Variants in UEVLD observed in about 807,000 individuals in gnomAD.
UEVLD encodes the protein ubiquitin-conjugating enzyme E2 variant 3.
Under a neutral mutation model 58.6 loss-of-function variants are expected in UEVLD, and 47 were observed. That is an observed-to-expected ratio of 0.80 (90% CI 0.63 to 1.02). The LOEUF (loss-of-function observed/expected upper bound fraction) is 1.02, where lower values mean the gene tolerates loss of function less well. UEVLD is among the 50% of genes least tolerant of loss of function. UEVLD has a pLI of 0.00. For synonymous variants in UEVLD, 197 were observed against 195.3 expected, an observed-to-expected ratio of 1.01 and a Z score of -0.07; for missense variants, 510 against 550.6, an observed-to-expected ratio of 0.93 and a Z score of 0.74.
At chr11:18,582,083 G>T (rs1047120903) in intron 1 of UEVLD, among the ~76,000 whole-genome samples, 2 of 151,990 alleles carry the variant, frequency 1.3e-5, no homozygotes, top group African/African-American at 4.8e-5. Context: ...TGTACAAAAG[G>T]CTGCATTGTT....
intron 9 of UEVLD, among the ~76,000 whole-genome samples, chr11:18,537,627 G>A (rs1047605982): frequency 4.0e-5 from 6 of 150,352 alleles, no homozygotes; most frequent in Non-Finnish European, 7.4e-5. Flanking sequence ...CACTGCGCCT[G>A]GCCAGACTAG....
chr11:18,552,892 AC>A lies in UEVLD; in HGVS notation c.715+5335del, dbSNP rs111347752. On this transcript the variant is annotated intron_variant, in intron 7 of 11. Transcript: ENST00000396197. ...AAAATTAGGCTGGGCGTGGTGGCTC[AC>A]CCCTGTAATCCCAGCACTTTGGGAG... 1.8e-4 allele frequency among the ~76,000 whole-genome samples: 28 copies of A among 151,926 alleles called. 1 individual carries two copies. Among genetic ancestry groups the A allele is most frequent in the African/African-American group, 6.3e-4 (26 of 41,430 alleles).
At chr11:18,557,967 T>C (rs1408549023) in intron 7 of UEVLD, among the ~76,000 whole-genome samples, 1 of 152,134 alleles carries the variant, frequency 6.6e-6, no homozygotes, top group East Asian at 1.9e-4. Context: ...GAGGTATAAG[T>C]CAAAAACAAA....
chr11:18,538,721 G>A (rs536435284), intron 9 of UEVLD, among the ~76,000 whole-genome samples: 1 of 151,906 alleles, frequency 6.6e-6, no homozygotes, highest in African/African-American at 2.4e-5. Flanking sequence ...AAACATACTT[G>A]CCATAGTTAA....
At chr11:18,535,108 A>G (rs1363442313) in intron 10 of UEVLD, among the ~76,000 whole-genome samples, 1 of 152,236 alleles carries the variant, frequency 6.6e-6, no homozygotes, top group Admixed American at 6.5e-5. Flanking sequence ...GATAGTATGG[A>G]TAGCATAAAT....
At chr11:18,567,824 A>G (rs1852372762) in intron 4 of UEVLD, among the ~76,000 whole-genome samples, 1 of 152,182 alleles carries the variant, frequency 6.6e-6, no homozygotes. Flanking sequence ...TAAATAGGGC[A>G]ATTTAAATAA....
Position 18,531,514 on chromosome 11 carries a change from T to G in UEVLD, c.*806A>C, listed in dbSNP as rs886293381. Reference sequence around the variant, plus strand: ...ACCTCTCCCTATTATGACCAATGTTTTTAATGAAAATCTCATATTTTGGCT... The same window carrying G: ...ACCTCTCCCTATTATGACCAATGTTGTTAATGAAAATCTCATATTTTGGCT... On this transcript the variant is annotated 3_prime_UTR_variant, in exon 12 of 12. Transcript: ENST00000396197. 1 of 152,212 alleles carries G rather than the reference T, an allele frequency of 6.6e-6. No homozygotes were observed. Among genetic ancestry groups the G allele is most frequent in the African/African-American group, 2.4e-5 (1 of 41,452 alleles). 9.4% of individuals were successfully genotyped at this position (152,212 alleles called of 1,614,324 possible). A position where few individuals can be genotyped will look rare whatever the true frequency, so the allele number is the denominator to read the frequency against.
intron 7 of UEVLD, among the ~76,000 whole-genome samples, chr11:18,556,317 A>T (rs1031967918): frequency 4.0e-4 from 61 of 152,358 alleles, no homozygotes; most frequent in African/African-American, 1.4e-3. Context: ...GAACTTCTAC[A>T]TGAGACCTAC....
At chr11:18,533,957 G>A (rs1021861501) in intron 11 of UEVLD, among the ~76,000 whole-genome samples, 7 of 152,148 alleles carry the variant, frequency 4.6e-5, no homozygotes, top group Non-Finnish European at 1.0e-4. Flanking sequence ...CAGTCAAAAT[G>A]TTATCTTTGG....
intron 4 of UEVLD, among the ~76,000 whole-genome samples, chr11:18,567,558 G>C (rs1172398537): frequency 6.6e-6 from 1 of 152,202 alleles, no homozygotes; most frequent in East Asian, 1.9e-4. Context: ...GACGGTTATT[G>C]TGGCAAATTG....
chr11:18,554,688 G>A (rs569065775), intron 7 of UEVLD, among the ~76,000 whole-genome samples: 8 of 152,234 alleles, frequency 5.3e-5, no homozygotes, highest in African/African-American at 1.4e-4. Flanking sequence ...ATGGGACACC[G>A]TGCCCAACAT....
At chr11:18,554,996 T>C (rs1488833514) in intron 7 of UEVLD, among the ~76,000 whole-genome samples, 1 of 152,164 alleles carries the variant, frequency 6.6e-6, no homozygotes, top group Non-Finnish European at 1.5e-5. Flanking sequence ...CATTTAAAAT[T>C]ACTTCATCTA....
chr11:18,533,843 G>C (rs1441309171), intron 11 of UEVLD, among the ~76,000 whole-genome samples: 1 of 152,064 alleles, frequency 6.6e-6, no homozygotes, highest in East Asian at 1.9e-4. Context: ...TTAGTAGAGA[G>C]GGGTTTCACC....
At chr11:18,579,372 G>C (rs147051183) in intron 1 of UEVLD, 1 of 850,166 alleles carries the variant, frequency 1.2e-6, no homozygotes, top group Non-Finnish European at 1.4e-6. Flanking sequence ...AGTGAAGCCC[G>C]AGCTCAAATC....
chr11:18,543,383 A>G (rs1272312627), intron 9 of UEVLD, among the ~76,000 whole-genome samples: 1 of 152,210 alleles, frequency 6.6e-6, no homozygotes, highest in Non-Finnish European at 1.5e-5. Context: ...CTTCTGCAAC[A>G]ACTAGTCCAC....
intron 6 of UEVLD, 123 bp from the exon 7 acceptor site, chr11:18,558,453 A>G: frequency 2.0e-6 from 1 of 496,722 alleles, no homozygotes; most frequent in Non-Finnish European, 3.4e-6. Flanking sequence ...TGTTAAGAAG[A>G]GTAAGTAACA....
intron 5 of UEVLD, 107 bp downstream of exon 5, chr11:18,566,240 C>T (rs1231509514): frequency 7.4e-6 from 11 of 1,479,176 alleles, no homozygotes; most frequent in African/African-American, 5.7e-5. Flanking sequence ...GATGTACATA[C>T]GCACACAAAT....
intron 8 of UEVLD, among the ~76,000 whole-genome samples, chr11:18,546,499 GTTTT>G (rs1351396400): frequency 1.5e-5 from 2 of 135,418 alleles, no homozygotes; most frequent in Admixed American, 1.6e-4. Context: ...TTTTTATTTT[GTTTT>G]TGTTTTTTTT....
chr11:18,540,308 T>C (rs1439060051), intron 9 of UEVLD, among the ~76,000 whole-genome samples: 1 of 152,190 alleles, frequency 6.6e-6, no homozygotes, highest in Non-Finnish European at 1.5e-5. Flanking sequence ...ATATGCAAAA[T>C]ATTTAATACA....
Sources: allele counts gnomAD v4.1 joint callset (sites outside exome capture counted in the v4.1 genomes callset), GRCh38; gene constraint gnomAD v4.1.1; transcripts MANE v1.5; gene names NCBI Gene and HGNC (gene_info 2026-07-23, HGNC 2026-07-21).